The following DCHS2 variants were observed in gnomAD, a reference collection of about 807,000 sequenced individuals.
The protein encoded by DCHS2 is protocadherin-23.
A neutral mutation model predicts 182.4 loss-of-function variants in DCHS2; 142 were observed. The ratio of observed to expected loss-of-function variants is 0.78; its 90% CI spans 0.68 to 0.89. The LOEUF (loss-of-function observed/expected upper bound fraction) is 0.89. Among genes scored for constraint, DCHS2 ranks in the 40% least tolerant of loss-of-function variants. The pLI, the probability that DCHS2 is intolerant of heterozygous loss-of-function variation, is 0.00. For synonymous variants in DCHS2, 1,740 were observed against 1,663.3 expected (o/e 1.05, Z -1.12); for missense variants, 4,319 against 4,198.6 (o/e 1.03, Z -0.79).
In DCHS2 at chr4:154,421,009, T is replaced by C. The variant is rs148680693; in HGVS notation, c.2053-43565A>G. ...CATATAATATATACACTACCATCAT[T>C]GGAAAAAAAAGGCTCAGAAGTCACA... On this transcript the variant is annotated intron_variant, in intron 1 of 19. Coordinates refer to ENST00000357232, the MANE Select transcript of DCHS2 (RefSeq NM_001358235.2). Among the ~76,000 whole-genome samples, 408 of 152,172 alleles carry C rather than the reference T, an allele frequency of 2.7e-3. 1 individual carries two copies. Among genetic ancestry groups the C allele is most frequent in the African/African-American group, 9.4e-3 (391 of 41,532 alleles).
chr4:154,321,380 A>G (rs1208189804), intron 8 of DCHS2, among the ~76,000 whole-genome samples, 158 bp from the exon 9 acceptor site: 8 of 152,336 alleles, frequency 5.3e-5, no homozygotes, highest in African/African-American at 1.9e-4. Flanking sequence ...TAATTCCAGT[A>G]TGTCTCAGAA....
rs139196217 is a variant in DCHS2 at position 154,336,696 on chromosome 4, C to T, written c.2477-1592G>A. 2.6e-5 allele frequency among the ~76,000 whole-genome samples: 4 copies of T among 152,192 alleles called. No homozygotes were observed. In the South Asian group the frequency reaches 6.2e-4, roughly 24 times the overall value. ...TACTGAAATCAAATATCTTGCTTGG[C>T]CTGCTCTAAACACATACTCATTTTC... On this transcript the variant is annotated intron_variant, in intron 3 of 19. Coordinates refer to ENST00000357232, the MANE Select transcript of DCHS2 (RefSeq NM_001358235.2).
At position 154,377,307 on chromosome 4, in the gene DCHS2, G is replaced by C; in HGVS notation, c.2190C>G (p.Ile730Met). Residue 730 changes from isoleucine (I) to methionine (M), a missense_variant, in exon 2 of 20, where the codon ATC becomes ATG. Coordinates refer to ENST00000357232, the MANE Select transcript of DCHS2 (RefSeq NM_001358235.2). ...HDGQICVSQD[I>M]DRERDPATYD... is the part of the protein sequence containing the mutation. ...AGGTAGCTGGATCCCTTTCCCTGTC[G>C]ATATCTTGAGAAACACAGATTTGCC... The C allele has an allele frequency of 6.2e-7, 1 of 1,613,568 alleles. No homozygotes were observed. The highest frequency in any genetic ancestry group is 2.2e-5 in the East Asian group (1 of 44,874).
chr4:154,402,090 T>C (rs1482313754), intron 1 of DCHS2, among the ~76,000 whole-genome samples: 1 of 152,236 alleles, frequency 6.6e-6, no homozygotes, highest in Non-Finnish European at 1.5e-5. Context: ...CAGTGTGAGA[T>C]TGTAAAGTTT....
chr4:154,332,172 T>C (rs1483262735), intron 5 of DCHS2, among the ~76,000 whole-genome samples: 1 of 152,208 alleles, frequency 6.6e-6, no homozygotes, highest in Non-Finnish European at 1.5e-5. Flanking sequence ...ACTATACCTC[T>C]AGTTCAGAAA....
At chr4:154,457,449 G>T (rs2110989616) in intron 1 of DCHS2, among the ~76,000 whole-genome samples, 1 of 152,206 alleles carries the variant, frequency 6.6e-6, no homozygotes, top group Non-Finnish European at 1.5e-5. Context: ...ACCCATGCCT[G>T]GTTCCTCTAG....
At chr4:154,416,904 C>G (rs1397564529) in intron 1 of DCHS2, among the ~76,000 whole-genome samples, 1 of 152,130 alleles carries the variant, frequency 6.6e-6, no homozygotes, top group Non-Finnish European at 1.5e-5. Context: ...TTTTTACACT[C>G]CGAGGCCAAA....
intron 1 of DCHS2, among the ~76,000 whole-genome samples, chr4:154,454,310 C>T (rs959398115): frequency 1.3e-5 from 2 of 152,122 alleles, no homozygotes; most frequent in Non-Finnish European, 2.9e-5. Context: ...GTGGCATGAA[C>T]ATAGCTCACT....
At chr4:154,304,976 T>C in intron 11 of DCHS2, 98 bp from the exon 12 acceptor site, 1 of 1,507,666 alleles carries the variant, frequency 6.6e-7, no homozygotes, top group South Asian at 1.4e-5. Flanking sequence ...CAGGTAGCAC[T>C]GGCTCAATAA....
intron 10 of DCHS2, among the ~76,000 whole-genome samples, chr4:154,314,402 T>C (rs1215544331): frequency 6.6e-6 from 1 of 152,178 alleles, no homozygotes; most frequent in Non-Finnish European, 1.5e-5. Context: ...TAAGGACAGA[T>C]TGGAGCAAAC....
chr4:154,316,551 G>A (rs1252741807), intron 9 of DCHS2, among the ~76,000 whole-genome samples: 1 of 152,148 alleles, frequency 6.6e-6, no homozygotes, highest in Non-Finnish European at 1.5e-5. Flanking sequence ...GGGAGGCCAA[G>A]GCAGGAGGAT....
intron 2 of DCHS2, among the ~76,000 whole-genome samples, chr4:154,373,721 T>TAA (rs1730750340): frequency 6.6e-6 from 1 of 152,156 alleles, no homozygotes; most frequent in East Asian, 1.9e-4. Flanking sequence ...GGTTCCCTCC[T>TAA]GCACACAGCT....
Position 154,295,789 on chromosome 4 carries a change from G to A in DCHS2, c.6463+2062C>T, listed in dbSNP as rs372542125. ...GCCCAGTAGAGCCATCACAGAGGCCGACCCACTCAACTACATTAACTGGTG... is the reference window on the plus strand; with the variant it reads ...GCCCAGTAGAGCCATCACAGAGGCCAACCCACTCAACTACATTAACTGGTG... On this transcript the variant is annotated intron_variant, in intron 13 of 19. Transcript: ENST00000357232. Among the ~76,000 whole-genome samples the A allele has an allele frequency of 1.5e-4, 23 of 152,252 alleles. No individual in the cohort carries two copies. The East Asian group carries it at 3.5e-3, about 23-fold the overall frequency.
At chr4:154,333,829 C>CTG in intron 4 of DCHS2, 1 of 286,640 alleles carries the variant, frequency 3.5e-6, no homozygotes, top group Non-Finnish European at 6.6e-6. Flanking sequence ...TGAGTACACT[C>CTG]TGTGATGTCT....
At chr4:154,285,858 T>G (rs1734371003) in intron 13 of DCHS2, among the ~76,000 whole-genome samples, 1 of 152,050 alleles carries the variant, frequency 6.6e-6, no homozygotes. Flanking sequence ...TGTAGAGCCC[T>G]GGGGCCTTGA....
At chr4:154,260,220 C>T (rs577358540) in intron 14 of DCHS2, among the ~76,000 whole-genome samples, 10 of 152,292 alleles carry the variant, frequency 6.6e-5, no homozygotes, top group South Asian at 2.1e-4. Context: ...CTTTCCCCAC[C>T]GACCCGGGTC....
chr4:154,320,430 T>C lies in DCHS2; in HGVS notation c.4969A>G (p.Ser1657Gly), dbSNP rs981736194. ...DEGRNGKVTY[S>G]ILSGNENMTF... ...ATGTTTTCATTTCCTGAGAGGATGC[T>C]GTATGTTACTTTTCCATTCCTTCCT... Residue 1657 changes from serine to glycine, a missense_variant, in exon 9 of 20, where the codon AGC (serine) becomes GGC (glycine). Coordinates refer to ENST00000357232, the MANE Select transcript of DCHS2 (RefSeq NM_001358235.2). 1.4e-5 allele frequency: 22 copies of C among 1,614,126 alleles called. No homozygotes were observed. The highest frequency in any genetic ancestry group is 1.7e-5 in the Non-Finnish European group (20 of 1,179,988).
intron 1 of DCHS2, among the ~76,000 whole-genome samples, chr4:154,403,589 C>T (rs1014638426): frequency 1.3e-5 from 2 of 152,160 alleles, no homozygotes; most frequent in African/African-American, 4.8e-5. Flanking sequence ...ATTAGAGATA[C>T]TGGCTGTAAT....
Position 154,234,407 on chromosome 4 carries a change from A to G in DCHS2, c.*129T>C. On this transcript the variant is annotated 3_prime_UTR_variant, in exon 20 of 20. Transcript: ENST00000357232. The stretch of plus-strand genomic sequence containing the variant: ...GAGAAACTTTAATGGGGAAGTTTTA[A>G]AAACTCTAACTAAATTACATCACTT... 7.6e-7 allele frequency: 1 copy of G among 1,323,948 alleles called. No individual in the cohort carries two copies. Among genetic ancestry groups the G allele is most frequent in the Non-Finnish European group, 1.0e-6 (1 of 1,002,108 alleles). The allele number at this position is 1,323,948 out of a possible 1,614,324, so 82.0% of individuals were successfully genotyped here.
Sources: gnomAD v4.1 joint callset for allele counts (sites outside exome capture counted in the v4.1 genomes callset) on GRCh38, gnomAD v4.1.1 for gene constraint, MANE v1.5 for transcripts, NCBI Gene and HGNC (gene_info 2026-07-23, HGNC 2026-07-21) for gene names.